NCOA1: variants seen among roughly 807,000 people sequenced by gnomAD.
NCOA1 encodes the protein Hin-2 protein.
Under a neutral mutation model 150.9 loss-of-function variants are expected in NCOA1, and 35 were observed. That is an observed-to-expected ratio of 0.23 (90% CI 0.18 to 0.31). The LOEUF (loss-of-function observed/expected upper bound fraction) is 0.31. Ranked by LOEUF, NCOA1 falls within the 10% of genes least tolerant of loss-of-function variation. NCOA1 has a pLI of 1.00. For missense variants in NCOA1, 1,491 were observed against 1,749.3 expected (o/e 0.85, Z 2.63); for synonymous variants, 590 against 630.0 (o/e 0.94, Z 0.95).
intron 1 of NCOA1, among the ~76,000 whole-genome samples, chr2:24,562,914 A>AG (rs1359372608): frequency 6.6e-6 from 1 of 152,206 alleles, no homozygotes; most frequent in Admixed American, 6.5e-5. Context: ...GACAAATTGA[A>AG]GAAGAGGGTT....
In NCOA1 at chr2:24,493,176, T is replaced by C. The variant is rs369110176; in HGVS notation, c.-396+1574T>C. ...TTCAGCTTAACAAATAGGCATTCCTTGAACTATTTGCCATAAATTAGATAA... is the reference window on the plus strand; with the variant it reads ...TTCAGCTTAACAAATAGGCATTCCTCGAACTATTTGCCATAAATTAGATAA... On this transcript the variant is annotated intron_variant, in intron 1 of 22. Coordinates refer to ENST00000348332, the MANE Select transcript of NCOA1 (RefSeq NM_003743.5). Among the ~76,000 whole-genome samples the C allele has an allele frequency of 1.8e-4, 27 of 152,364 alleles. 1 individual carries two copies. In the South Asian group the frequency reaches 5.4e-3, roughly 30 times the overall value.
intron 6 of NCOA1, among the ~76,000 whole-genome samples, chr2:24,672,593 C>T (rs539148329): frequency 4.9e-4 from 75 of 152,234 alleles, no homozygotes; most frequent in Non-Finnish European, 8.7e-4. Flanking sequence ...ATAAAGGACT[C>T]GCTATGTTGC....
At chr2:24,724,295 A>G (rs987150676) in intron 14 of NCOA1, among the ~76,000 whole-genome samples, 5 of 152,140 alleles carry the variant, frequency 3.3e-5, no homozygotes, top group Non-Finnish European at 5.9e-5. Context: ...TTACATGTAT[A>G]CTTACTCATG....
intron 2 of NCOA1, among the ~76,000 whole-genome samples, chr2:24,569,904 T>C (rs1275734854): frequency 6.6e-6 from 1 of 151,252 alleles, no homozygotes; most frequent in Non-Finnish European, 1.5e-5. Flanking sequence ...ATTTGTATTA[T>C]ACATGTCTAA....
intron 1 of NCOA1, among the ~76,000 whole-genome samples, chr2:24,537,766 GTTA>G (rs956512127): frequency 3.3e-5 from 5 of 152,018 alleles, no homozygotes; most frequent in South Asian, 2.1e-4. Flanking sequence ...GAGGTAATAA[GTTA>G]TTATCTGCTT....
chr2:24,747,037 C>A (rs945069277), intron 19 of NCOA1, among the ~76,000 whole-genome samples: 1 of 152,046 alleles, frequency 6.6e-6, no homozygotes, highest in Non-Finnish European at 1.5e-5. Context: ...CCTAAAGCTT[C>A]TCTAAAAAAT....
At chr2:24,655,393 A>C (rs1180088833) in intron 4 of NCOA1, among the ~76,000 whole-genome samples, 1 of 152,210 alleles carries the variant, frequency 6.6e-6, no homozygotes, top group South Asian at 2.1e-4. Context: ...TTATATGTAG[A>C]TCATATAGTA....
Position 24,491,554 on chromosome 2 carries a change from G to A in NCOA1, c.-444G>A, listed in dbSNP as rs1662959354. 6.7e-6 allele frequency among the ~76,000 whole-genome samples: 1 copy of A among 148,308 alleles called. No homozygotes were observed. The highest frequency in any genetic ancestry group is 2.4e-5 in the African/African-American group (1 of 40,950). ...CCGGGGCGGCGCCGCCGCCACGGTCGCGGACGAGTGCGGCGCCGGTGAGCG... is the reference window on the plus strand; with the variant it reads ...CCGGGGCGGCGCCGCCGCCACGGTCACGGACGAGTGCGGCGCCGGTGAGCG... On this transcript the variant is annotated 5_prime_UTR_variant, in exon 1 of 23. Coordinates refer to ENST00000348332, the MANE Select transcript of NCOA1 (RefSeq NM_003743.5).
chr2:24,608,755 G>T, intron 3 of NCOA1, among the ~76,000 whole-genome samples: 1 of 139,854 alleles, frequency 7.2e-6, no homozygotes, highest in Non-Finnish European at 1.5e-5. Flanking sequence ...TCTGTCCAGG[G>T]TTCCCACAGT....
At chr2:24,739,383 G>A (rs3820933) in intron 17 of NCOA1, 49 bp from the exon 18 acceptor site, 243,864 of 1,335,002 alleles carry the variant, frequency 0.18, 24,413 homozygotes, top group Non-Finnish European at 0.21. Context: ...TAAGGCCCGT[G>A]TTATGCTTGT....
At chr2:24,674,119 A>ATGTGTGTG (rs374109233) in intron 7 of NCOA1, among the ~76,000 whole-genome samples, 8 of 68,680 alleles carry the variant, frequency 1.2e-4, no homozygotes, top group South Asian at 6.1e-4. Flanking sequence ...AGACATATGT[A>ATGTGTGTG]TGTATGTGTG....
intron 3 of NCOA1, among the ~76,000 whole-genome samples, chr2:24,608,137 T>C: frequency 6.6e-6 from 1 of 151,826 alleles, no homozygotes; most frequent in East Asian, 1.9e-4. Flanking sequence ...AGTCTTTTCA[T>C]GTCTTTTTGT....
chr2:24,679,359 T>C (rs2148532887), intron 7 of NCOA1, among the ~76,000 whole-genome samples: 2 of 152,338 alleles, frequency 1.3e-5, no homozygotes, highest in East Asian at 3.9e-4. Flanking sequence ...ACAGATTATA[T>C]TAACCAGATA....
At chr2:24,564,913 ACT>A (rs1425779287) in intron 2 of NCOA1, among the ~76,000 whole-genome samples, 6 of 152,098 alleles carry the variant, frequency 3.9e-5, no homozygotes, top group Non-Finnish European at 8.8e-5. Flanking sequence ...TGAATGCAGC[ACT>A]CTGAGTCCAC....
intron 7 of NCOA1, among the ~76,000 whole-genome samples, chr2:24,682,717 ATTAGGCAT>A (rs1431325928): frequency 6.6e-6 from 1 of 152,078 alleles, no homozygotes; most frequent in Non-Finnish European, 1.5e-5. Flanking sequence ...CTGATCCCAA[ATTAGGCAT>A]CCTTCTGTGT....
At chr2:24,536,615 T>C (rs1303813098) in intron 1 of NCOA1, among the ~76,000 whole-genome samples, 1 of 152,250 alleles carries the variant, frequency 6.6e-6, no homozygotes, top group African/African-American at 2.4e-5. Flanking sequence ...TTAATGTTGA[T>C]GACTTACAGA....
intron 3 of NCOA1, among the ~76,000 whole-genome samples, chr2:24,606,445 C>G (rs1351163488): frequency 6.6e-6 from 1 of 152,152 alleles, no homozygotes; most frequent in Non-Finnish European, 1.5e-5. Flanking sequence ...CCATGTTGGC[C>G]AGGCTGGTCT....
At chr2:24,679,854 G>T (rs1672086634) in intron 7 of NCOA1, among the ~76,000 whole-genome samples, 1 of 151,980 alleles carries the variant, frequency 6.6e-6, no homozygotes. Context: ...ACGGCGATCG[G>T]GTAGAATAAA....
chr2:24,699,515 C>T (rs974352585), intron 11 of NCOA1, among the ~76,000 whole-genome samples: 33 of 152,200 alleles, frequency 2.2e-4, no homozygotes, highest in African/African-American at 7.0e-4. Flanking sequence ...TAATCCAATA[C>T]CTCTTCCCCA....
Sources: gnomAD v4.1 joint callset for allele counts (sites outside exome capture counted in the v4.1 genomes callset) on GRCh38, gnomAD v4.1.1 for gene constraint, MANE v1.5 for transcripts, NCBI Gene and HGNC (gene_info 2026-07-23, HGNC 2026-07-21) for gene names.